The following RGL1 variants were observed in gnomAD, a reference collection of about 807,000 sequenced individuals.
RGL1 encodes ral guanine nucleotide dissociation stimulator like 1, also known as ral guanine nucleotide dissociation stimulator-like 1.
In RGL1, 24 loss-of-function variants were observed where a neutral mutation model predicts 95.2. That is an observed-to-expected ratio of 0.25 (90% CI 0.18 to 0.35). The LOEUF (loss-of-function observed/expected upper bound fraction) is 0.35. Ranked by LOEUF, RGL1 falls within the 10% of genes least tolerant of loss-of-function variation. The probability of loss-of-function intolerance (pLI) is 1.00; values close to 1 mark genes in which losing one functional copy is unlikely to be tolerated. For synonymous variants in RGL1, 329 were observed against 344.9 expected (o/e 0.95, Z 0.51); for missense variants, 715 against 936.3 (o/e 0.76, Z 3.08).
intron 1 of RGL1, among the ~76,000 whole-genome samples, chr1:183,725,715 A>G (rs1056592655): frequency 2.5e-4 from 38 of 152,362 alleles, no homozygotes; most frequent in African/African-American, 8.9e-4. Context: ...AGATAAATCT[A>G]CAATTATAAT....
At chr1:183,910,140 T>C (rs1324773293) in intron 14 of RGL1, among the ~76,000 whole-genome samples, 1 of 152,180 alleles carries the variant, frequency 6.6e-6, no homozygotes, top group Non-Finnish European at 1.5e-5. Flanking sequence ...AGAGTTTTGC[T>C]CTGTCGCTTA....
At chr1:183,893,552 TG>T (rs1346820392) in intron 9 of RGL1, among the ~76,000 whole-genome samples, 4 of 151,984 alleles carry the variant, frequency 2.6e-5, no homozygotes, top group African/African-American at 9.7e-5. Flanking sequence ...CAGGTAGAGG[TG>T]GGGTTAGTAA....
intron 1 of RGL1, among the ~76,000 whole-genome samples, chr1:183,638,905 T>C (rs6668853): frequency 0.069 from 10,454 of 152,278 alleles, 629 homozygotes; most frequent in African/African-American, 0.16. Context: ...AATAGGTCTT[T>C]CTTTTCAGAC....
In RGL1 at chr1:183,724,177, A is replaced by G. The variant is rs893894363; in HGVS notation, c.-32-17949A>G. Among the ~76,000 whole-genome samples the G allele has an allele frequency of 3.3e-5, 5 of 152,180 alleles. No homozygotes were observed. The highest frequency in any genetic ancestry group is 1.2e-4 in the African/African-American group (5 of 41,444). On this transcript the variant is annotated intron_variant, in intron 1 of 18. Coordinates refer to the RGL1 transcript ENST00000304685. The surrounding 1 kb of genome is among the most constrained non-coding windows in gnomAD (Gnocchi z 4.1). ...CAGTGGTAGGTGGGTAGTACATGCC[A>G]TGGGTCTTGGGTGAGACTCTGAGAT...
At chr1:183,901,868 C>T (rs1270762668) in intron 11 of RGL1, among the ~76,000 whole-genome samples, 3 of 152,142 alleles carry the variant, frequency 2.0e-5, no homozygotes, top group Non-Finnish European at 4.4e-5. Flanking sequence ...GTATATACTA[C>T]CCCCTTGTTA....
intron 1 of RGL1, among the ~76,000 whole-genome samples, chr1:183,739,451 A>G (rs145736106): frequency 6.6e-5 from 10 of 152,312 alleles, no homozygotes; most frequent in Admixed American, 2.0e-4. Flanking sequence ...AGTGTAGTAA[A>G]GTTATTTAAC....
chr1:183,787,661 T>G (rs1660243361), intron 2 of RGL1, among the ~76,000 whole-genome samples: 1 of 152,152 alleles, frequency 6.6e-6, no homozygotes, highest in Non-Finnish European at 1.5e-5. Context: ...CCCTCCAAAC[T>G]TCATGTTGAA....
At chr1:183,715,706 A>T (rs1655581663) in intron 1 of RGL1, among the ~76,000 whole-genome samples, 1 of 146,164 alleles carries the variant, frequency 6.8e-6, no homozygotes, top group South Asian at 2.4e-4. Flanking sequence ...AAACAGAACC[A>T]ATTGGAGACC....
intron 9 of RGL1, among the ~76,000 whole-genome samples, chr1:183,897,149 G>A (rs1667748704): frequency 6.6e-6 from 1 of 152,146 alleles, no homozygotes; most frequent in Non-Finnish European, 1.5e-5. Context: ...GTTTAATTTG[G>A]GATCTGTAAA....
chr1:183,747,391 G>C (rs531374610), intron 2 of RGL1, among the ~76,000 whole-genome samples: 1 of 152,044 alleles, frequency 6.6e-6, no homozygotes, highest in East Asian at 1.9e-4. Flanking sequence ...AATGACCCCT[G>C]ATGATGAGCG....
chr1:183,752,250 T>TG (rs1429869654), intron 2 of RGL1, among the ~76,000 whole-genome samples: 11 of 151,470 alleles, frequency 7.3e-5, no homozygotes, highest in African/African-American at 2.7e-4. Context: ...TTTTTTGAGA[T>TG]GGAGTCTCAC....
chr1:183,805,508 TAC>T (rs1330836372), intron 1 of RGL1, among the ~76,000 whole-genome samples, 184 bp downstream of exon 1: 3 of 152,192 alleles, frequency 2.0e-5, no homozygotes, highest in Non-Finnish European at 4.4e-5. Context: ...CTTTCAACCG[TAC>T]CTACTTTCTC....
Position 183,900,142 on chromosome 1 carries a change from C to T in RGL1, c.1231-8C>T, listed in dbSNP as rs1667933897. 1.9e-6 allele frequency: 3 copies of T among 1,611,208 alleles called. No homozygotes were observed. Among genetic ancestry groups the T allele is most frequent in the African/African-American group, 1.3e-5 (1 of 74,864 alleles). ...AATAAAGACAGTTTTGCTTTGGATG[C>T]TCTTCAGGGTGTGATGCAGGGAACT... On this transcript the variant is annotated splice_region_variant and splice_polypyrimidine_tract_variant and intron_variant, in intron 10 of 17. Transcript: ENST00000360851.
rs1441528567 is a variant in RGL1, at chr1:183,926,780, A to C, written c.*488A>C. On this transcript the variant is annotated 3_prime_UTR_variant, in exon 18 of 18. Coordinates refer to ENST00000360851, the MANE Select transcript of RGL1 (RefSeq NM_001297671.3). ...GTGTCCTTTGTGCCAGTATTACAAG[A>C]AGCCCAAACTTTATTTTTATAAAGG... is the stretch of plus-strand genomic sequence containing the variant. The C allele has an allele frequency of 6.5e-6, 1 of 152,762 alleles. No individual in the cohort carries two copies. Among genetic ancestry groups the C allele is most frequent in the Non-Finnish European group, 1.5e-5 (1 of 68,054 alleles). The allele number at this position is 152,762 out of a possible 1,614,324, so 9.5% of individuals were successfully genotyped here.
At chr1:183,756,332 T>C (rs1658337620) in intron 2 of RGL1, among the ~76,000 whole-genome samples, 1 of 152,140 alleles carries the variant, frequency 6.6e-6, no homozygotes, top group African/African-American at 2.4e-5. Context: ...GATCAAATAT[T>C]TCTGGATCAG....
intron 2 of RGL1, among the ~76,000 whole-genome samples, chr1:183,768,612 G>A (rs575879761): frequency 4.5e-4 from 68 of 151,440 alleles, no homozygotes; most frequent in Non-Finnish European, 8.8e-4. Context: ...GGGACTACAG[G>A]CATGTGCCAC....
intron 1 of RGL1, among the ~76,000 whole-genome samples, chr1:183,664,868 A>G (rs1013571502): frequency 6.7e-6 from 1 of 149,646 alleles, no homozygotes; most frequent in Non-Finnish European, 1.5e-5. Context: ...TCCAACCTGT[A>G]TACTTTTTTT....
chr1:183,683,170 T>G (rs1653341118), intron 1 of RGL1, among the ~76,000 whole-genome samples: 1 of 152,216 alleles, frequency 6.6e-6, no homozygotes, highest in Non-Finnish European at 1.5e-5. Flanking sequence ...CCCATTTACA[T>G]TTACGGTTAA....
At chr1:183,784,563 G>A (rs1660059784) in intron 2 of RGL1, among the ~76,000 whole-genome samples, 1 of 152,172 alleles carries the variant, frequency 6.6e-6, no homozygotes, top group Non-Finnish European at 1.5e-5. Context: ...AGAGTGCTGA[G>A]CCAAAGTCTT....
Sources: allele counts gnomAD v4.1 joint callset (sites outside exome capture counted in the v4.1 genomes callset), GRCh38; gene constraint gnomAD v4.1.1; non-coding constraint Gnocchi (gnomAD v3.1); transcripts MANE v1.5; gene names NCBI Gene and HGNC (gene_info 2026-07-23, HGNC 2026-07-21).